Variants in GALNT13 observed in about 807,000 individuals in gnomAD.
GALNT13 encodes the protein UDP-GalNAc:polypeptide N-acetylgalactosaminyltransferase 13.
In GALNT13, 28 loss-of-function variants were observed where a neutral mutation model predicts 64.2. The observed-to-expected ratio is 0.44, with a 90% CI of 0.32 to 0.60. The LOEUF is 0.60. Ranked by LOEUF, GALNT13 falls within the 20% of genes least tolerant of loss-of-function variation. GALNT13 has a pLI of 0.05. For missense variants in GALNT13, 577 were observed against 669.8 expected, an observed-to-expected ratio of 0.86 and a Z score of 1.53; for synonymous variants, 214 against 224.6, an observed-to-expected ratio of 0.95 and a Z score of 0.42.
the GALNT13 span, among the ~76,000 whole-genome samples, chr2:153,438,856 C>G: frequency 2.2e-4 from 34 of 152,142 alleles, no homozygotes; most frequent in Non-Finnish European, 2.9e-5. Flanking sequence ...TGTTCTGTTG[C>G]TGGTGAGGAG....
At chr2:154,165,115 G>T (rs1684954577) in intron 4 of GALNT13, among the ~76,000 whole-genome samples, 1 of 152,106 alleles carries the variant, frequency 6.6e-6, no homozygotes, top group Non-Finnish European at 1.5e-5. Context: ...CAGGGAAATA[G>T]TAAGATGCTA....
At position 154,450,585 on chromosome 2, in the gene GALNT13, G is replaced by A. The variant is rs1233736239; in HGVS notation, c.*34G>A. The A allele has an allele frequency of 7.3e-6, 11 of 1,501,584 alleles. No individual in the cohort carries two copies. The highest frequency in any genetic ancestry group is 7.3e-5 in the Admixed American group (3 of 40,992). The allele number at this position is 1,501,584 out of a possible 1,614,324, so 93.0% of individuals were successfully genotyped here. On this transcript the variant is annotated 3_prime_UTR_variant, in exon 13 of 13. Coordinates refer to ENST00000392825, the MANE Select transcript of GALNT13 (RefSeq NM_052917.4). ...TCCTCCAAGCCATGAAAGTGTCTAC[G>A]CTTTTGTTTTTCCATTATTTCAATT...
At chr2:153,553,547 ATGAT>A in the GALNT13 span, among the ~76,000 whole-genome samples, 1 of 152,208 alleles carries the variant, frequency 6.6e-6, no homozygotes, top group African/African-American at 2.4e-5. Context: ...AGGTCAATGA[ATGAT>A]TGAACCATTG....
chr2:153,371,095 A>G, the GALNT13 span: 1 of 186,932 alleles, frequency 5.3e-6, no homozygotes, highest in Middle Eastern at 3.0e-3. Flanking sequence ...GATTCTAAAT[A>G]TACGGTTTTC....
At chr2:153,288,461 G>A in the GALNT13 span, among the ~76,000 whole-genome samples, 2 of 152,184 alleles carry the variant, frequency 1.3e-5, no homozygotes, top group Non-Finnish European at 2.9e-5. Flanking sequence ...ACACCATTCT[G>A]AGTAGCCTGA....
At chr2:154,227,941 T>A (rs571727711) in intron 4 of GALNT13, among the ~76,000 whole-genome samples, 1 of 152,250 alleles carries the variant, frequency 6.6e-6, no homozygotes, top group Admixed American at 6.5e-5. Context: ...CTGTTTTTAG[T>A]AGTGGTATTT....
At chr2:153,416,099 G>A in the GALNT13 span, among the ~76,000 whole-genome samples, 66 of 152,208 alleles carry the variant, frequency 4.3e-4, no homozygotes, top group Middle Eastern at 6.8e-3. Flanking sequence ...TGGCACAAAA[G>A]CAGTCCTCTG....
chr2:154,246,641 G>T (rs1197132430), intron 7 of GALNT13, among the ~76,000 whole-genome samples: 6 of 152,000 alleles, frequency 3.9e-5, no homozygotes, highest in African/African-American at 1.4e-4. Context: ...CCTCTTACCT[G>T]AAACTAAAAA....
At chr2:153,258,979 C>G in the GALNT13 span, among the ~76,000 whole-genome samples, 5 of 152,162 alleles carry the variant, frequency 3.3e-5, no homozygotes, top group Non-Finnish European at 7.4e-5. Flanking sequence ...GTCTACAGTG[C>G]TGATATGTCT....
In GALNT13 at chr2:154,268,612, A is replaced by AACAC. The variant is rs796393343; in HGVS notation, c.975+9484_975+9487dup. Among the ~76,000 whole-genome samples the AACAC allele has an allele frequency of 9.6e-4, 145 of 151,554 alleles. 1 individual carries two copies. Among genetic ancestry groups the AACAC allele is most frequent in the African/African-American group, 2.9e-3 (120 of 41,042 alleles). On this transcript the variant is annotated intron_variant, in intron 8 of 12. Coordinates refer to ENST00000392825, the MANE Select transcript of GALNT13 (RefSeq NM_052917.4). ...CTTTAATAAAGCTGTTAAGAATTAAAACACACACACACAGAGAGAGAGACA... is the reference window on the plus strand; with the variant it reads ...CTTTAATAAAGCTGTTAAGAATTAAAACACACACACACACACAGAGAGAGAGACA...
the GALNT13 span, among the ~76,000 whole-genome samples, chr2:153,438,606 A>T: frequency 1.6e-3 from 237 of 152,188 alleles, 1 homozygote; most frequent in Admixed American, 3.1e-3. Context: ...ACTTTCTTCC[A>T]GTTGATCGCA....
the GALNT13 span, among the ~76,000 whole-genome samples, chr2:153,155,173 T>C: frequency 6.6e-6 from 1 of 152,184 alleles, no homozygotes; most frequent in Non-Finnish European, 1.5e-5. Context: ...ATCAAGGATA[T>C]TGGCCTGAAG....
At chr2:153,734,449 G>A in the GALNT13 span, among the ~76,000 whole-genome samples, 1 of 152,150 alleles carries the variant, frequency 6.6e-6, no homozygotes, top group Non-Finnish European at 1.5e-5. Context: ...CAAGAATGGA[G>A]TGGAATCTGA....
At chr2:154,432,910 GAA>G (rs1271996893) in intron 11 of GALNT13, among the ~76,000 whole-genome samples, 2 of 152,110 alleles carry the variant, frequency 1.3e-5, no homozygotes, top group African/African-American at 2.4e-5. Flanking sequence ...ATCAGAATAT[GAA>G]GAAGATTACA....
At chr2:153,300,551 T>A in the GALNT13 span, among the ~76,000 whole-genome samples, 1 of 152,176 alleles carries the variant, frequency 6.6e-6, no homozygotes, top group East Asian at 1.9e-4. Flanking sequence ...TATTTTGAGT[T>A]TTGGTTAAAA....
the GALNT13 span, among the ~76,000 whole-genome samples, chr2:153,435,671 A>G: frequency 6.6e-6 from 1 of 152,154 alleles, no homozygotes; most frequent in South Asian, 2.1e-4. Flanking sequence ...ATTTTTGCAC[A>G]TTGATTTTGT....
the GALNT13 span, among the ~76,000 whole-genome samples, chr2:153,571,923 G>A: frequency 6.6e-6 from 1 of 150,566 alleles, no homozygotes; most frequent in Non-Finnish European, 1.5e-5. Flanking sequence ...TTTGATGTGT[G>A]TTTGTTAGGT....
intron 3 of GALNT13, among the ~76,000 whole-genome samples, chr2:153,948,448 T>C (rs1240573403): frequency 6.6e-6 from 1 of 152,070 alleles, no homozygotes; most frequent in Non-Finnish European, 1.5e-5. Flanking sequence ...AATGTGGTGA[T>C]TGATTCATCA....
intron 4 of GALNT13, among the ~76,000 whole-genome samples, chr2:154,183,782 C>T (rs1686097903): frequency 6.6e-6 from 1 of 151,890 alleles, no homozygotes; most frequent in Admixed American, 6.6e-5. Flanking sequence ...TTCTTAGTTT[C>T]ATTTTTCTTT....
Sources: gnomAD v4.1 joint callset for allele counts (sites outside exome capture counted in the v4.1 genomes callset) on GRCh38, gnomAD v4.1.1 for gene constraint, MANE v1.5 for transcripts, NCBI Gene and HGNC (gene_info 2026-07-23, HGNC 2026-07-21) for gene names.